Variants in TNRC6A observed in about 807,000 individuals in gnomAD.
The protein encoded by TNRC6A is trinucleotide repeat containing adaptor 6A.
In TNRC6A, 44 loss-of-function variants were observed where a neutral mutation model predicts 221.2. That is an observed-to-expected ratio of 0.20 (90% CI 0.16 to 0.26). The LOEUF (loss-of-function observed/expected upper bound fraction) is 0.26, where lower values mean the gene tolerates loss of function less well. Ranked by LOEUF, TNRC6A falls within the 10% of genes least tolerant of loss-of-function variation. The pLI, the probability that TNRC6A is intolerant of heterozygous loss-of-function variation, is 1.00. For missense variants in TNRC6A, 2,199 were observed against 2,404.4 expected, an observed-to-expected ratio of 0.91 and a Z score of 1.79; for synonymous variants, 847 against 838.5, an observed-to-expected ratio of 1.01 and a Z score of -0.18.
intron 22 of TNRC6A, among the ~76,000 whole-genome samples, chr16:24,821,233 G>T (rs996222240): frequency 2.6e-5 from 4 of 152,200 alleles, no homozygotes; most frequent in Admixed American, 2.6e-4. Context: ...GGAGGCCGCA[G>T]ACATCTGTCT....
At chr16:24,745,892 T>C (rs16973970) in intron 2 of TNRC6A, among the ~76,000 whole-genome samples, 8,898 of 151,176 alleles carry the variant, frequency 0.059, 722 homozygotes, top group East Asian at 0.36. Flanking sequence ...TTTGGGGAAC[T>C]ACACATTCAC....
chr16:24,661,264 A>G (rs1280469443), intron 2 of TNRC6A, among the ~76,000 whole-genome samples: 1 of 150,610 alleles, frequency 6.6e-6, no homozygotes, highest in Non-Finnish European at 1.5e-5. Context: ...TCTCAAGTCC[A>G]TAATATCACT....
In TNRC6A at chr16:24,804,762, A is replaced by G; in HGVS notation, c.3895A>G (p.Lys1299Glu). The change falls in exon 13 of 25, where the codon AAG becomes GAG. Residue 1299 changes from lysine (K) to glutamate (E), a missense_variant. Physicochemically the swap from Lys to Glu is moderately conservative, Grantham distance 56 (BLOSUM62 1). Coordinates refer to ENST00000395799, the MANE Select transcript of TNRC6A (RefSeq NM_014494.4). ...NMQFMSSQSM[K>E]LPPSNSALPN... is the part of the protein sequence containing the mutation. The stretch of plus-strand genomic sequence containing the variant: ...GCAGTTTATGTCCAGTCAAAGCATG[A>G]AGCTTCCCCCTTCAAATAGTGCACT... 6.2e-7 allele frequency: 1 copy of G among 1,608,986 alleles called. No homozygotes were observed. Among genetic ancestry groups the G allele is most frequent in the Non-Finnish European group, 8.5e-7 (1 of 1,179,030 alleles).
At chr16:24,762,038 AC>A (rs1204888519) in intron 4 of TNRC6A, among the ~76,000 whole-genome samples, 1 of 151,950 alleles carries the variant, frequency 6.6e-6, no homozygotes, top group African/African-American at 2.4e-5. Context: ...AGAGTAATAA[AC>A]CCCTGAGCTC....
rs1317715471 is a variant in TNRC6A, at chr16:24,823,386, T to C, written c.5514-46T>C. 3 of 1,554,568 alleles carry C rather than the reference T, an allele frequency of 1.9e-6. No individual in the cohort carries two copies. Among genetic ancestry groups the C allele is most frequent in the Admixed American group, 1.9e-5 (1 of 53,498 alleles). Reference sequence around the variant, plus strand: ...CCTCACTTGTGAGTGAATGAAGCCCTCCTGGTGTGCTGTCCTCACGTGTCC... The same window carrying C: ...CCTCACTTGTGAGTGAATGAAGCCCCCCTGGTGTGCTGTCCTCACGTGTCC... On this transcript the variant is annotated intron_variant, in intron 24 of 24. Coordinates refer to ENST00000395799, the MANE Select transcript of TNRC6A (RefSeq NM_014494.4). The surrounding 1 kb of genome is among the most constrained non-coding windows in gnomAD (Gnocchi z 4.3).
chr16:24,795,987 CTT>C (rs752038474), intron 9 of TNRC6A, 48 bp downstream of exon 9: 50 of 1,598,814 alleles, frequency 3.1e-5, no homozygotes, highest in Middle Eastern at 3.3e-4. Context: ...TAGTAAAAAT[CTT>C]TAGAAAGCAA....
At chr16:24,614,859 C>A (rs1900259378) in intron 1 of TNRC6A, among the ~76,000 whole-genome samples, 1 of 152,196 alleles carries the variant, frequency 6.6e-6, no homozygotes, top group Non-Finnish European at 1.5e-5. Flanking sequence ...CAACTGAGGT[C>A]AGGAGTTCGC....
At chr16:24,789,160 T>C (rs2058039420) in intron 5 of TNRC6A, 72 bp from the exon 6 acceptor site, 4 of 1,419,974 alleles carry the variant, frequency 2.8e-6, no homozygotes, top group Non-Finnish European at 3.8e-6. Flanking sequence ...ATTCGTCATT[T>C]TTCTTAGATT....
At chr16:24,671,739 G>C (rs1014644263) in intron 2 of TNRC6A, among the ~76,000 whole-genome samples, 9 of 152,346 alleles carry the variant, frequency 5.9e-5, no homozygotes, top group Admixed American at 3.9e-4. Context: ...GCCAGGTGCA[G>C]TGGCTCACGC....
At chr16:24,696,427 C>G (rs1178836042) in intron 2 of TNRC6A, among the ~76,000 whole-genome samples, 2 of 150,250 alleles carry the variant, frequency 1.3e-5, no homozygotes, top group Non-Finnish European at 3.0e-5. Flanking sequence ...AGCTCAAATA[C>G]AATGGATCAG....
intron 2 of TNRC6A, among the ~76,000 whole-genome samples, chr16:24,734,526 TC>T (rs1485013869): frequency 2.6e-5 from 4 of 152,150 alleles, no homozygotes; most frequent in Non-Finnish European, 5.9e-5. Context: ...TAGATAGAGA[TC>T]AGCCAGCATT....
intron 2 of TNRC6A, among the ~76,000 whole-genome samples, chr16:24,699,699 A>G (rs1156230834): frequency 1.3e-5 from 2 of 150,790 alleles, no homozygotes; most frequent in Non-Finnish European, 3.0e-5. Context: ...GGCCCAGGCA[A>G]CAGAATGGAA....
At chr16:24,762,714 G>A (rs1041507241) in intron 4 of TNRC6A, among the ~76,000 whole-genome samples, 1 of 152,166 alleles carries the variant, frequency 6.6e-6, no homozygotes. Flanking sequence ...GGTGAAATTA[G>A]GCTAGGAAAA....
intron 2 of TNRC6A, among the ~76,000 whole-genome samples, chr16:24,667,206 C>A (rs916038592): frequency 6.6e-6 from 1 of 152,120 alleles, no homozygotes; most frequent in African/African-American, 2.4e-5. Flanking sequence ...CTCATCTGGA[C>A]TTTTTGATGT....
chr16:24,687,239 T>C (rs1390083591), intron 2 of TNRC6A, among the ~76,000 whole-genome samples: 1 of 152,178 alleles, frequency 6.6e-6, no homozygotes, highest in Non-Finnish European at 1.5e-5. Context: ...ATCCATTCAA[T>C]GTCTACATCT....
chr16:24,724,171 G>T (rs1480977469), intron 2 of TNRC6A, among the ~76,000 whole-genome samples: 2 of 152,130 alleles, frequency 1.3e-5, no homozygotes, highest in Non-Finnish European at 1.5e-5. Flanking sequence ...ATCAAAAGGG[G>T]TATAGGATAT....
intron 2 of TNRC6A, among the ~76,000 whole-genome samples, chr16:24,672,815 A>T (rs1413598464): frequency 6.6e-6 from 1 of 152,122 alleles, no homozygotes; most frequent in Non-Finnish European, 1.5e-5. Context: ...TTACTTGTAG[A>T]TATACTTACA....
chr16:24,712,547 T>C (rs1000883639), intron 2 of TNRC6A, among the ~76,000 whole-genome samples: 1 of 149,320 alleles, frequency 6.7e-6, no homozygotes. Context: ...TTCTCTTTAA[T>C]GACATTTAGA....
intron 16 of TNRC6A, 90 bp downstream of exon 16, chr16:24,806,373 C>G: frequency 6.6e-7 from 1 of 1,515,932 alleles, no homozygotes; most frequent in Non-Finnish European, 9.0e-7. Context: ...AAATGTCTTT[C>G]TTAAAACAAT....
Sources: gnomAD v4.1 joint callset for allele counts (sites outside exome capture counted in the v4.1 genomes callset) on GRCh38, gnomAD v4.1.1 for gene constraint, Gnocchi (gnomAD v3.1) non-coding constraint, MANE v1.5 for transcripts, NCBI Gene and HGNC (gene_info 2026-07-23, HGNC 2026-07-21) for gene names.